The following NLRP4 variants were observed in gnomAD, a reference collection of about 807,000 sequenced individuals.
NLRP4 encodes the protein NACHT, LRR and PYD domains-containing protein 4.
NLRP4 carries 44 observed loss-of-function variants against 84.7 expected under a neutral mutation model. The observed-to-expected ratio is 0.52, with a 90% confidence interval of 0.41 to 0.67. The LOEUF (loss-of-function observed/expected upper bound fraction) is 0.67. Among genes scored for constraint, NLRP4 ranks in the 30% least tolerant of loss-of-function variants. The pLI is 0.00. For missense variants in NLRP4, 1,260 were observed against 1,219.4 expected (o/e 1.03, Z -0.50); for synonymous variants, 544 against 476.4 (o/e 1.14, Z -1.85).
At chr19:55,855,424 G>A (rs577948070) in intron 2 of NLRP4, among the ~76,000 whole-genome samples, 82 of 152,170 alleles carry the variant, frequency 5.4e-4, no homozygotes, top group Non-Finnish European at 1.1e-3. Context: ...AGAAGACCAG[G>A]AAAGCAGGAA....
intron 1 of NLRP4, among the ~76,000 whole-genome samples, chr19:55,848,196 G>A (rs1316886700): frequency 6.6e-6 from 1 of 152,130 alleles, no homozygotes; most frequent in Non-Finnish European, 1.5e-5. Flanking sequence ...TTGGGTTTGT[G>A]TGACGTTTAT....
In NLRP4 at chr19:55,839,308, A is replaced by AGTGTGTGTGTGTGTGTGT. The variant is rs59705356; in HGVS notation, c.-66+2387_-66+2388insTGTGTGTGTGTGTGTGTG. 4.8e-3 allele frequency among the ~76,000 whole-genome samples: 720 copies of AGTGTGTGTGTGTGTGTGT among 151,452 alleles called. 2 individuals are homozygous for AGTGTGTGTGTGTGTGTGT. Among genetic ancestry groups the AGTGTGTGTGTGTGTGTGT allele is most frequent in the African/African-American group, 7.5e-3 (308 of 41,208 alleles). On this transcript the variant is annotated intron_variant, in intron 1 of 9. Coordinates refer to ENST00000301295, the MANE Select transcript of NLRP4 (RefSeq NM_134444.5). ...ATTATCTAACCTATGCCTCAGTTTG[A>AGTGTGTGTGTGTGTGTGT]GTGTGTGTGTGTGCTCTTTCACACA... is the stretch of plus-strand genomic sequence containing the variant.
intron 6 of NLRP4, among the ~76,000 whole-genome samples, 182 bp from the exon 7 acceptor site, chr19:55,870,645 G>A (rs1439050151): frequency 6.6e-6 from 1 of 152,114 alleles, no homozygotes; most frequent in Admixed American, 6.6e-5. Flanking sequence ...CCCGGGCGAC[G>A]ACAGCAAAAC....
chr19:55,858,476 G>A lies in NLRP4; in HGVS notation c.1083G>A (p.Leu361=), dbSNP rs766179124. The change falls in exon 3 of 10, where the codon CTG becomes CTA. Residue 361 remains leucine, a synonymous_variant. Transcript: ENST00000301295. This position sits in a 1 kb window ranked among gnomAD's most constrained non-coding sequence, Gnocchi z 4.2. ...LKQEMQKGKD[L]ALTCQSTTSV... is the part of the protein sequence containing the mutation. ...AAGAGATGCAGAAAGGAAAAGACCT[G>A]GCCCTGACCTGCCAGAGCACTACCT... The A allele has an allele frequency of 1.2e-6, 2 of 1,614,034 alleles. No homozygotes were observed. Among genetic ancestry groups the A allele is most frequent in the Non-Finnish European group, 8.5e-7 (1 of 1,180,028 alleles).
chr19:55,855,350 G>T (rs1317092656), intron 2 of NLRP4, among the ~76,000 whole-genome samples: 1 of 152,178 alleles, frequency 6.6e-6, no homozygotes, highest in African/African-American at 2.4e-5. Context: ...TTGGTTTGAG[G>T]TTGTACCCAC....
rs775286607 is a variant in NLRP4, at chr19:55,861,497, G to A, written c.1968G>A (p.Val656=). The part of the protein sequence containing the change: ...QDSTLSESTF[V]TWCNQLRHPS... ...GCACCCTCAGCGAGTCGACCTTTGT[G>A]ACCTGGTGTAACCAGCTGAGGCATC... Residue 656 remains valine, a synonymous_variant, in exon 4 of 10, where the codon GTG becomes GTA. Transcript: ENST00000301295. 6.2e-7 allele frequency: 1 copy of A among 1,614,172 alleles called. No individual in the cohort carries two copies. Among genetic ancestry groups the A allele is most frequent in the South Asian group, 1.1e-5 (1 of 91,082 alleles).
At chr19:55,849,838 G>A (rs920513798) in intron 1 of NLRP4, among the ~76,000 whole-genome samples, 13 of 149,128 alleles carry the variant, frequency 8.7e-5, no homozygotes, top group East Asian at 2.0e-4. Context: ...CCGAAGCTGC[G>A]GTGTAATTTC....
chr19:55,861,257 T>C, intron 3 of NLRP4, 129 bp from the exon 4 acceptor site: 1 of 735,238 alleles, frequency 1.4e-6, no homozygotes, highest in Non-Finnish European at 2.2e-6. Flanking sequence ...AGGGTCCCGT[T>C]CCTTCTGACT....
chr19:55,837,545 C>A (rs1353680348), intron 1 of NLRP4, among the ~76,000 whole-genome samples: 1 of 151,832 alleles, frequency 6.6e-6, no homozygotes, highest in Non-Finnish European at 1.5e-5. Context: ...GAATATTTAT[C>A]TTTCTATATC....
rs1232155193 is a variant in NLRP4, at chr19:55,867,752, G to T, written c.2230G>T (p.Ala744Ser). 6.2e-7 allele frequency: 1 copy of T among 1,614,082 alleles called. No individual in the cohort carries two copies. The highest frequency in any genetic ancestry group is 1.1e-5 in the South Asian group (1 of 91,088). Reference sequence around the variant, plus strand: ...CTCACCCATTGATTGTGAAGTCCTTGCTGGCCTTCTAACCAACAACAAGAA... The same window carrying T: ...CTCACCCATTGATTGTGAAGTCCTTTCTGGCCTTCTAACCAACAACAAGAA... ...HLSPIDCEVL[A>S]GLLTNNKKLT... Residue 744 changes from alanine (A) to serine (S), a missense_variant, in exon 6 of 10, where the codon GCT (alanine) becomes TCT (serine). By Grantham distance (99) the Ala-to-Ser change is moderately conservative. Coordinates refer to ENST00000301295, the MANE Select transcript of NLRP4 (RefSeq NM_134444.5).
chr19:55,858,419 C>A lies in NLRP4; in HGVS notation c.1026C>A (p.Leu342=), dbSNP rs1405854907. The change falls in exon 3 of 10, where the codon CTC becomes CTA. Residue 342 remains leucine (L), a synonymous_variant. Coordinates refer to ENST00000301295, the MANE Select transcript of NLRP4 (RefSeq NM_134444.5). This position sits in a 1 kb window ranked among gnomAD's most constrained non-coding sequence, Gnocchi z 4.2. ...EQLFSICQIP[L]LCWILCTSLK... The stretch of plus-strand genomic sequence containing the variant: ...TGTTTTCCATATGCCAAATCCCGCT[C>A]CTCTGCTGGATCCTGTGTACCAGTC... The A allele has an allele frequency of 1.2e-6, 2 of 1,614,132 alleles. No homozygotes were observed. Among genetic ancestry groups the A allele is most frequent in the Non-Finnish European group, 1.7e-6 (2 of 1,180,020 alleles).
At chr19:55,837,087 T>C (rs1192662580) in intron 1 of NLRP4, among the ~76,000 whole-genome samples, 153 bp downstream of exon 1, 13 of 152,178 alleles carry the variant, frequency 8.5e-5, no homozygotes, top group Admixed American at 8.5e-4. Flanking sequence ...TCATACTAAT[T>C]ATGTATATTA....
At chr19:55,862,673 TA>T in intron 5 of NLRP4, among the ~76,000 whole-genome samples, 1 of 123,172 alleles carries the variant, frequency 8.1e-6, no homozygotes, top group Non-Finnish European at 1.7e-5. Context: ...CAGAGAAGAC[TA>T]TAGCGTAAGT....
chr19:55,860,369 G>A (rs952922380), intron 3 of NLRP4, among the ~76,000 whole-genome samples: 1 of 152,160 alleles, frequency 6.6e-6, no homozygotes, highest in Admixed American at 6.5e-5. Flanking sequence ...GAAGCCAGGG[G>A]GCTAAGACCA....
chr19:55,853,903 C>CTCTCTCTT (rs1555808051), intron 2 of NLRP4, among the ~76,000 whole-genome samples: 1 of 134,884 alleles, frequency 7.4e-6, no homozygotes, highest in African/African-American at 3.5e-5. Flanking sequence ...CTCTCTCTCT[C>CTCTCTCTT]TCTTTCTCTT....
chr19:55,857,215 G>C (rs1984468669), intron 2 of NLRP4, among the ~76,000 whole-genome samples: 1 of 152,102 alleles, frequency 6.6e-6, no homozygotes, highest in Admixed American at 6.6e-5. Context: ...CTGTGTATGT[G>C]TCTATTGAAA....
intron 1 of NLRP4, among the ~76,000 whole-genome samples, chr19:55,848,379 GTATAC>G (rs1218264726): frequency 6.6e-6 from 1 of 151,472 alleles, no homozygotes; most frequent in African/African-American, 2.4e-5. Flanking sequence ...CTATAGTATT[GTATAC>G]TATACTATAC....
rs759433278 is a variant in NLRP4 at position 55,861,415 on chromosome 19, A to G, written c.1886A>G (p.His629Arg). ...TSDYSLICWH[H>R]ICSVLTTSGH... ...GATTACAGCCTCATCTGTTGGCATCACATCTGCTCTGTGCTCACCACCAGC... is the reference window on the plus strand; with the variant it reads ...GATTACAGCCTCATCTGTTGGCATCGCATCTGCTCTGTGCTCACCACCAGC... Residue 629 changes from histidine to arginine, a missense_variant, in exon 4 of 10, where the codon CAC (histidine) becomes CGC (arginine). His to Arg is a conservative substitution (Grantham distance 29). Coordinates refer to ENST00000301295, the MANE Select transcript of NLRP4 (RefSeq NM_134444.5). The G allele has an allele frequency of 6.2e-7, 1 of 1,614,006 alleles. No homozygotes were observed. The highest frequency in any genetic ancestry group is 2.2e-5 in the East Asian group (1 of 44,882).
chr19:55,877,066 C>G lies in NLRP4; in HGVS notation c.2596C>G (p.Leu866Val). 3.1e-6 allele frequency: 5 copies of G among 1,614,092 alleles called. No homozygotes were observed. The highest frequency in any genetic ancestry group is 4.2e-6 in the Non-Finnish European group (5 of 1,179,982). Residue 866 changes from leucine to valine, a missense_variant, in exon 8 of 10, where the codon CTG (leucine) becomes GTG (valine). Physicochemically the swap from Leu to Val is conservative, Grantham distance 32. This residue lies in a region of NLRP4 where 544 missense variants were observed against 531.7 expected (regional missense o/e 1.02). Transcript: ENST00000301295. ...CTCTGCTCTCATCAGCAATCAAAAC[C>G]TGAAGATTCTGCAAATTGGGTGCAA... Reference protein sequence around the residue: ...LASALISNQNLKILQIGCNEI... With the variant: ...LASALISNQNVKILQIGCNEI...
Sources: allele counts gnomAD v4.1 joint callset (sites outside exome capture counted in the v4.1 genomes callset), GRCh38; gene constraint gnomAD v4.1.1; regional missense constraint gnomAD v4.1.1; non-coding constraint Gnocchi (gnomAD v3.1); transcripts MANE v1.5; gene names NCBI Gene and HGNC (gene_info 2026-07-23, HGNC 2026-07-21).